ERGIC1: variants seen among roughly 807,000 people sequenced by gnomAD.
The protein encoded by ERGIC1 is endoplasmic reticulum-golgi intermediate compartment 1, also known as endoplasmic reticulum-Golgi intermediate compartment protein 1.
In ERGIC1, 19 loss-of-function variants were observed where a neutral mutation model predicts 38.3. The observed-to-expected ratio is 0.50, with a 90% CI of 0.35 to 0.73. The LOEUF (loss-of-function observed/expected upper bound fraction) is 0.73. Ranked by LOEUF, ERGIC1 falls within the 30% of genes least tolerant of loss-of-function variation. ERGIC1 has a pLI of 0.01. For synonymous variants in ERGIC1, 124 were observed against 157.6 expected (o/e 0.79, Z 1.60); for missense variants, 294 against 389.2 (o/e 0.76, Z 2.06).
intron 9 of ERGIC1, among the ~76,000 whole-genome samples, chr5:172,939,958 TTCTC>T (rs1763973432): frequency 6.6e-6 from 1 of 152,064 alleles, no homozygotes; most frequent in Non-Finnish European, 1.5e-5. Flanking sequence ...TGGCTTCTCT[TTCTC>T]TCTTTTTAAA....
At chr5:172,942,846 C>T (rs1420450296) in intron 9 of ERGIC1, among the ~76,000 whole-genome samples, 1 of 152,212 alleles carries the variant, frequency 6.6e-6, no homozygotes, top group Non-Finnish European at 1.5e-5. Context: ...GAGCTTCTGA[C>T]TTCCAACACT....
chr5:172,932,780 A>C (rs1763808215), intron 8 of ERGIC1: 1 of 526,460 alleles, frequency 1.9e-6, no homozygotes, highest in African/African-American at 1.9e-5. Flanking sequence ...TGCGTTTGAC[A>C]AAGAGCAGGT....
intron 1 of ERGIC1, among the ~76,000 whole-genome samples, chr5:172,884,249 T>G (rs1267658260): frequency 5.4e-5 from 6 of 112,016 alleles, no homozygotes; most frequent in East Asian, 2.7e-4. Context: ...CCCAAGTTTT[T>G]TTTTTTTTTT....
chr5:172,896,630 C>G (rs528055493), intron 2 of ERGIC1, among the ~76,000 whole-genome samples: 10 of 152,198 alleles, frequency 6.6e-5, no homozygotes, highest in Admixed American at 2.0e-4. Context: ...GCTGACTGTT[C>G]AAGGTGGACT....
At chr5:172,915,088 T>C (rs1763327062) in intron 5 of ERGIC1, 1 of 713,224 alleles carries the variant, frequency 1.4e-6, no homozygotes, top group South Asian at 1.5e-5. Context: ...AGGGGGACAA[T>C]GATGAGAAGA....
intron 1 of ERGIC1, chr5:172,866,836 C>T (rs375129857): frequency 6.6e-6 from 2 of 301,654 alleles, no homozygotes; most frequent in African/African-American, 2.2e-5. Flanking sequence ...TCTGCATTCT[C>T]AGTGGAGGTT....
At chr5:172,917,276 A>G (rs1287570740) in intron 5 of ERGIC1, 1 of 152,322 alleles carries the variant, frequency 6.6e-6, no homozygotes, top group African/African-American at 2.4e-5. Context: ...TGGGGTTCCC[A>G]TTAGGTGTCT....
chr5:172,923,289 C>G (rs1763570952), intron 5 of ERGIC1, among the ~76,000 whole-genome samples: 1 of 121,614 alleles, frequency 8.2e-6, no homozygotes, highest in African/African-American at 3.0e-5. Context: ...ACCAAGGGTT[C>G]TAGTCTGAGC....
At chr5:172,904,020 C>CA (rs1347533683) in intron 3 of ERGIC1, among the ~76,000 whole-genome samples, 5 of 152,212 alleles carry the variant, frequency 3.3e-5, no homozygotes, top group Admixed American at 1.3e-4. Flanking sequence ...CACACTCACT[C>CA]ACTCTCCTGC....
chr5:172,921,663 C>G (rs1395830188), intron 5 of ERGIC1: 2 of 152,256 alleles, frequency 1.3e-5, no homozygotes, highest in African/African-American at 4.8e-5. Flanking sequence ...ATCTGGGGAC[C>G]TTTGATAAAC....
intron 1 of ERGIC1, among the ~76,000 whole-genome samples, chr5:172,850,858 A>C (rs895031752): frequency 3.3e-5 from 5 of 152,186 alleles, no homozygotes; most frequent in African/African-American, 1.2e-4. Flanking sequence ...ATTTTTAAAA[A>C]ATTGAATTTT....
At chr5:172,861,555 T>A (rs1420005499) in intron 1 of ERGIC1, among the ~76,000 whole-genome samples, 2 of 152,202 alleles carry the variant, frequency 1.3e-5, no homozygotes, top group African/African-American at 4.8e-5. Context: ...GTTGCCTTAT[T>A]TGTAAAATGG....
intron 7 of ERGIC1, among the ~76,000 whole-genome samples, chr5:172,929,330 A>G (rs1319053519): frequency 1.3e-5 from 2 of 152,138 alleles, no homozygotes; most frequent in African/African-American, 4.8e-5. Context: ...CCATTATACA[A>G]TTCCCTATGT....
intron 1 of ERGIC1, among the ~76,000 whole-genome samples, chr5:172,879,222 G>A (rs1377473041): frequency 6.6e-6 from 1 of 152,240 alleles, no homozygotes; most frequent in Non-Finnish European, 1.5e-5. Flanking sequence ...AGAAATTACA[G>A]ATGAAATCCA....
intron 5 of ERGIC1, chr5:172,915,237 TTGTG>T (rs1401844773): frequency 4.0e-5 from 24 of 597,912 alleles, no homozygotes; most frequent in Admixed American, 2.9e-4. Context: ...TTCACAAAGT[TTGTG>T]TGGGGATTAA....
At chr5:172,938,175 C>T (rs576721773) in intron 9 of ERGIC1, among the ~76,000 whole-genome samples, 1 of 152,244 alleles carries the variant, frequency 6.6e-6, no homozygotes, top group East Asian at 1.9e-4. Context: ...TGATTTAACC[C>T]AAGACCCCGC....
intron 3 of ERGIC1, chr5:172,905,620 A>G (rs1581560737): frequency 5.7e-6 from 2 of 349,942 alleles, no homozygotes; most frequent in East Asian, 7.6e-5. Flanking sequence ...AGGAGCGGCA[A>G]TGGGAGCCTC....
At chr5:172,910,535 TTTTTTTGAGACGGAG>T (rs1763179719) in intron 4 of ERGIC1, among the ~76,000 whole-genome samples, 1 of 96,934 alleles carries the variant, frequency 1.0e-5, no homozygotes, top group South Asian at 3.2e-4. Flanking sequence ...TTTTTTTTTT[TTTTTTTGAGACGGAG>T]TTTCACTCCT....
At chr5:172,861,603 C>T (rs1379770360) in intron 1 of ERGIC1, among the ~76,000 whole-genome samples, 1 of 152,192 alleles carries the variant, frequency 6.6e-6, no homozygotes, top group African/African-American at 2.4e-5. Flanking sequence ...GCTGTAAAGA[C>T]GAAAGGCATG....
Sources: allele counts gnomAD v4.1 joint callset (sites outside exome capture counted in the v4.1 genomes callset), GRCh38; gene constraint gnomAD v4.1.1; transcripts MANE v1.5; gene names NCBI Gene and HGNC (gene_info 2026-07-23, HGNC 2026-07-21).